Variants in PSMB2 observed in about 807,000 individuals in gnomAD.
The protein encoded by PSMB2 is proteasome 20S subunit beta 2, also known as proteasome subunit beta type-2.
A neutral mutation model predicts 25.7 loss-of-function variants in PSMB2; 13 were observed. That is an observed-to-expected ratio of 0.51 (90% CI 0.33 to 0.80). The LOEUF is 0.80. Among genes scored for constraint, PSMB2 ranks in the 30% least tolerant of loss-of-function variants. The pLI is 0.02. For synonymous variants in PSMB2, 87 were observed against 96.2 expected (o/e 0.90, Z 0.56); for missense variants, 202 against 259.0 (o/e 0.78, Z 1.51).
intron 3 of PSMB2, among the ~76,000 whole-genome samples, chr1:35,615,179 C>T (rs768234389): frequency 7.9e-5 from 12 of 152,162 alleles, no homozygotes; most frequent in African/African-American, 1.2e-4. Flanking sequence ...CTACAGAGAG[C>T]CAATAAAATT....
In PSMB2 at chr1:35,609,353, G is replaced by A. The variant is rs146411905; in HGVS notation, c.341C>T (p.Ala114Val). Residue 114 changes from alanine to valine, a missense_variant, in exon 4 of 6, where the codon GCG (alanine) becomes GTG (valine). Coordinates refer to ENST00000373237, the MANE Select transcript of PSMB2 (RefSeq NM_002794.5). ...LAGYDEHEGP[A>V]LYYMDYLAAL... Reference sequence around the variant, plus strand: ...TGCCAGGTAGTCCATGTAATACAGCGCTGGCCCTTCATGCTCATCATAGCC... The same window carrying A: ...TGCCAGGTAGTCCATGTAATACAGCACTGGCCCTTCATGCTCATCATAGCC... 11 of 1,610,222 alleles carry A rather than the reference G, an allele frequency of 6.8e-6. No individual in the cohort carries two copies. Among genetic ancestry groups the A allele is most frequent in the Admixed American group, 5.0e-5 (3 of 59,686 alleles).
chr1:35,636,591 G>GAA lies in PSMB2; in HGVS notation c.92-161_92-160dup, dbSNP rs201408647. On this transcript the variant is annotated intron_variant, in intron 1 of 5. Coordinates refer to ENST00000373237, the MANE Select transcript of PSMB2 (RefSeq NM_002794.5). Reference sequence around the variant, plus strand: ...ACAAACTATGGATCAAAATTATTCAGAAAAAAAAAAAAATGGATGCTTGCA... The same window carrying GAA: ...ACAAACTATGGATCAAAATTATTCAGAAAAAAAAAAAAAAATGGATGCTTGCA... Among the ~76,000 whole-genome samples, 1,073 of 138,800 alleles carry GAA rather than the reference G, an allele frequency of 7.7e-3. 12 individuals carry two copies. Among genetic ancestry groups the GAA allele is most frequent in the African/African-American group, 0.026 (999 of 38,874 alleles). The allele number at this position is 138,800 out of a possible 152,430, so 91.1% of individuals were successfully genotyped here. A position where few individuals can be genotyped will look rare whatever the true frequency, so the allele number is the denominator to read the frequency against.
rs1649997208 is a variant in PSMB2 at position 35,601,413 on chromosome 1, A to C, written c.*1854T>G. 1.0e-6 allele frequency: 1 copy of C among 985,150 alleles called. No individual in the cohort carries two copies. The highest frequency in any genetic ancestry group is 1.7e-5 in the African/African-American group (1 of 57,186). 61.0% of individuals were successfully genotyped at this position (985,150 alleles called of 1,614,324 possible). On this transcript the variant is annotated 3_prime_UTR_variant, in exon 6 of 6. Transcript: ENST00000373237. The stretch of plus-strand genomic sequence containing the variant: ...TTAAAATAGATGCCTTACACTCAGG[A>C]ATCTAGCTAAAAGCTCAAACCTATG...
At chr1:35,638,683 A>G (rs1330725590) in intron 1 of PSMB2, among the ~76,000 whole-genome samples, 3 of 152,190 alleles carry the variant, frequency 2.0e-5, no homozygotes, top group Non-Finnish European at 4.4e-5. Context: ...GAGTACTCCG[A>G]GTAACTTAAA....
intron 2 of PSMB2, 96 bp downstream of exon 2, chr1:35,636,214 A>G: frequency 6.9e-7 from 1 of 1,453,216 alleles, no homozygotes; most frequent in Non-Finnish European, 9.5e-7. Context: ...ACTGTGAGAA[A>G]ATACATTTCT....
intron 3 of PSMB2, among the ~76,000 whole-genome samples, chr1:35,613,153 A>G (rs564971231): frequency 3.3e-5 from 5 of 152,392 alleles, no homozygotes; most frequent in Non-Finnish European, 7.3e-5. Flanking sequence ...ATGCTTAAGC[A>G]TAAATAAATG....
intron 2 of PSMB2, among the ~76,000 whole-genome samples, 190 bp downstream of exon 2, chr1:35,636,120 G>T (rs1651239288): frequency 6.6e-6 from 1 of 152,198 alleles, no homozygotes; most frequent in Non-Finnish European, 1.5e-5. Context: ...GACACAGGGA[G>T]AAGATGGCTA....
Position 35,601,479 on chromosome 1 carries a change from ACGTGAAT to A in PSMB2, c.*1781_*1787del. Reference sequence around the variant, plus strand: ...GTTGGAGGTTGAATCAACTGTAGTGACGTGAATCATCTCTTTTCTCCCATTTACTCAA... The same window carrying A: ...GTTGGAGGTTGAATCAACTGTAGTGACATCTCTTTTCTCCCATTTACTCAA... On this transcript the variant is annotated 3_prime_UTR_variant, in exon 6 of 6. Transcript: ENST00000373237. The A allele has an allele frequency of 1.0e-6, 1 of 985,372 alleles. No homozygotes were observed. Among genetic ancestry groups the A allele is most frequent in the Non-Finnish European group, 1.2e-6 (1 of 829,902 alleles). 61.0% of individuals were successfully genotyped at this position (985,372 alleles called of 1,614,324 possible).
intron 3 of PSMB2, among the ~76,000 whole-genome samples, 156 bp from the exon 4 acceptor site, chr1:35,609,564 G>A (rs1055334686): frequency 1.3e-5 from 2 of 152,216 alleles, no homozygotes; most frequent in African/African-American, 2.4e-5. Context: ...AAATCTAGAG[G>A]ACCTGGAGTA....
intron 3 of PSMB2, among the ~76,000 whole-genome samples, chr1:35,609,894 C>G (rs1650280432): frequency 2.6e-5 from 4 of 151,800 alleles, no homozygotes; most frequent in African/African-American, 9.7e-5. Flanking sequence ...TCCCATATAC[C>G]CAATATATAT....
intron 1 of PSMB2, among the ~76,000 whole-genome samples, chr1:35,637,992 C>T (rs1432722015): frequency 1.3e-5 from 2 of 152,048 alleles, no homozygotes; most frequent in Non-Finnish European, 2.9e-5. Flanking sequence ...CTTAACATGC[C>T]TCACTTTTAT....
Position 35,600,107 on chromosome 1 carries a change from T to C in PSMB2, c.*3160A>G. ...GCAGTAAGCTACGATCGTGCCACTGTACTCCAGCCTAGGTGATGGAGCAAG... is the reference window on the plus strand; with the variant it reads ...GCAGTAAGCTACGATCGTGCCACTGCACTCCAGCCTAGGTGATGGAGCAAG... On this transcript the variant is annotated 3_prime_UTR_variant, in exon 6 of 6. Coordinates refer to ENST00000373237, the MANE Select transcript of PSMB2 (RefSeq NM_002794.5). 1.1e-6 allele frequency: 1 copy of C among 901,466 alleles called. No homozygotes were observed. Among genetic ancestry groups the C allele is most frequent in the Non-Finnish European group, 1.3e-6 (1 of 753,692 alleles). 55.8% of individuals were successfully genotyped at this position (901,466 alleles called of 1,614,324 possible). A position where few individuals can be genotyped will look rare whatever the true frequency, so the allele number is the denominator to read the frequency against.
intron 3 of PSMB2, among the ~76,000 whole-genome samples, chr1:35,628,590 AAAAAAAATATATATAT>A (rs1289364276): frequency 2.5e-3 from 41 of 16,562 alleles, no homozygotes; most frequent in Non-Finnish European, 3.7e-3. Flanking sequence ...AAAAAAAAAA[AAAAAAAATATATATAT>A]ATATATATAT....
chr1:35,615,500 C>T (rs769728633), intron 3 of PSMB2, among the ~76,000 whole-genome samples: 1 of 152,146 alleles, frequency 6.6e-6, no homozygotes, highest in Non-Finnish European at 1.5e-5. Flanking sequence ...TAACTAAGAG[C>T]GTGAAATTCC....
intron 2 of PSMB2, chr1:35,631,591 T>C (rs1651098579): frequency 3.0e-6 from 3 of 1,016,250 alleles, no homozygotes; most frequent in African/African-American, 3.3e-5. Flanking sequence ...ATGAAACTTC[T>C]AGCAGCCTTG....
Position 35,600,700 on chromosome 1 carries a change from G to A in PSMB2, c.*2567C>T. On this transcript the variant is annotated 3_prime_UTR_variant, in exon 6 of 6. Coordinates refer to ENST00000373237, the MANE Select transcript of PSMB2 (RefSeq NM_002794.5). ...CTATCTAGGAATGAGTTGATTTGGAGCTCAGGAAAGAGATCCAGATTGGCA... is the reference window on the plus strand; with the variant it reads ...CTATCTAGGAATGAGTTGATTTGGAACTCAGGAAAGAGATCCAGATTGGCA... 1.0e-6 allele frequency: 1 copy of A among 985,386 alleles called. No homozygotes were observed. 61.0% of individuals were successfully genotyped at this position (985,386 alleles called of 1,614,324 possible).
At chr1:35,606,774 T>C (rs576798607) in intron 4 of PSMB2, among the ~76,000 whole-genome samples, 3 of 152,306 alleles carry the variant, frequency 2.0e-5, no homozygotes, top group Non-Finnish European at 2.9e-5. Flanking sequence ...AATCTGGTAG[T>C]TGATACCACT....
intron 3 of PSMB2, among the ~76,000 whole-genome samples, chr1:35,622,983 C>G (rs915870220): frequency 6.6e-6 from 1 of 152,136 alleles, no homozygotes; most frequent in Non-Finnish European, 1.5e-5. Context: ...CATACGCATA[C>G]TGCTTAAAAG....
At chr1:35,640,596 T>A (rs933153927) in intron 1 of PSMB2, among the ~76,000 whole-genome samples, 1 of 152,036 alleles carries the variant, frequency 6.6e-6, no homozygotes, top group Admixed American at 6.6e-5. Flanking sequence ...TCCCACCTTA[T>A]GCCGCCAACA....
Sources: gnomAD v4.1 joint callset for allele counts (sites outside exome capture counted in the v4.1 genomes callset) on GRCh38, gnomAD v4.1.1 for gene constraint, MANE v1.5 for transcripts, NCBI Gene and HGNC (gene_info 2026-07-23, HGNC 2026-07-21) for gene names.